The following MYO9A variants were observed in gnomAD, a reference collection of about 807,000 sequenced individuals.
The protein encoded by MYO9A is unconventional myosin-IXa.
Under a neutral mutation model 293.3 loss-of-function variants are expected in MYO9A, and 103 were observed. The ratio of observed to expected loss-of-function variants is 0.35; its 90% CI spans 0.30 to 0.41. MYO9A has a LOEUF of 0.41. MYO9A is among the 10% of genes least tolerant of loss of function. The pLI is 1.00. For synonymous variants in MYO9A, 1,001 were observed against 1,035.7 expected, an observed-to-expected ratio of 0.97 and a Z score of 0.64; for missense variants, 2,685 against 3,033.0, an observed-to-expected ratio of 0.89 and a Z score of 2.69.
rs920994001 is a variant in MYO9A, at chr15:72,025,501, C to T, written c.998+2230G>A. On this transcript the variant is annotated intron_variant, in intron 4 of 41. Transcript: ENST00000356056. ...TCAGCCTCCCAAGTAGCTGGAAATA[C>T]AGGCGCATGCAACCACACCTGGATA... is the stretch of plus-strand genomic sequence containing the variant. Among the ~76,000 whole-genome samples the T allele has an allele frequency of 4.6e-5, 7 of 152,246 alleles. No individual in the cohort carries two copies. The East Asian group carries it at 1.4e-3, about 29-fold the overall frequency.
chr15:71,888,149 C>T (rs774701940), intron 26 of MYO9A, 33 bp from the exon 27 acceptor site: 36 of 1,208,632 alleles, frequency 3.0e-5, no homozygotes, highest in African/African-American at 6.1e-5. Context: ...AGATTTAATG[C>T]CAAGTAAATA....
intron 1 of MYO9A, among the ~76,000 whole-genome samples, chr15:72,101,535 G>A (rs1359419592): frequency 1.2e-3 from 140 of 121,464 alleles, no homozygotes; most frequent in African/African-American, 3.9e-3. Context: ...CCCCCCGCCC[G>A]GCCAGCCGCC....
At position 72,110,451 on chromosome 15, in the gene MYO9A, A is replaced by G. The variant is rs889978904; in HGVS notation, c.-72+7229T>C. Among the ~76,000 whole-genome samples the G allele has an allele frequency of 1.4e-3, 208 of 150,386 alleles. 1 individual carries two copies. Among genetic ancestry groups the G allele is most frequent in the African/African-American group, 4.4e-3 (178 of 40,888 alleles). On this transcript the variant is annotated intron_variant, in intron 1 of 41. Coordinates refer to ENST00000356056, the MANE Select transcript of MYO9A (RefSeq NM_006901.4). Reference sequence around the variant, plus strand: ...ACTCCATCTCAAAAAAAAAAAAAAAAAAAAAAAGAAAATTCCAGAGATTAC... The same window carrying G: ...ACTCCATCTCAAAAAAAAAAAAAAAGAAAAAAAGAAAATTCCAGAGATTAC...
At chr15:72,003,434 C>A (rs971582320) in intron 8 of MYO9A, among the ~76,000 whole-genome samples, 1 of 151,790 alleles carries the variant, frequency 6.6e-6, no homozygotes, top group Admixed American at 6.6e-5. Context: ...CGGTGGCCCA[C>A]GCCTGTAACC....
rs1351598183 is a variant in MYO9A, at chr15:71,826,060, T to C, written c.*520A>G. ...CCAGAATATAACATGGAGTGTTTTTTCAGAAATCTTAAAATAGAGGGATTA... is the reference window on the plus strand; with the variant it reads ...CCAGAATATAACATGGAGTGTTTTTCCAGAAATCTTAAAATAGAGGGATTA... On this transcript the variant is annotated 3_prime_UTR_variant, in exon 42 of 42. Transcript: ENST00000356056. The C allele has an allele frequency of 6.6e-6, 1 of 151,100 alleles. No homozygotes were observed. Among genetic ancestry groups the C allele is most frequent in the Non-Finnish European group, 1.5e-5 (1 of 67,902 alleles). 9.4% of individuals were successfully genotyped at this position (151,100 alleles called of 1,614,324 possible).
rs961202912 is a variant in MYO9A, at chr15:72,118,135, G to T, written c.-527C>A. 5.3e-6 allele frequency: 2 copies of T among 379,386 alleles called. No homozygotes were observed. Among genetic ancestry groups the T allele is most frequent in the Non-Finnish European group, 9.3e-6 (2 of 214,132 alleles). The allele number at this position is 379,386 out of a possible 1,614,324, so 23.5% of individuals were successfully genotyped here. A position where few individuals can be genotyped will look rare whatever the true frequency, so the allele number is the denominator to read the frequency against. On this transcript the variant is annotated 5_prime_UTR_variant, in exon 1 of 42. Coordinates refer to ENST00000356056, the MANE Select transcript of MYO9A (RefSeq NM_006901.4). ...CCCGCGCGACTCCCCGGCTGCAGGC[G>T]AGCAGGCGCGCGCGCACTTACCTCC...
At chr15:72,053,553 G>A (rs549666509) in intron 1 of MYO9A, among the ~76,000 whole-genome samples, 1 of 152,092 alleles carries the variant, frequency 6.6e-6, no homozygotes, top group Admixed American at 6.6e-5. Flanking sequence ...GCAAACTAAC[G>A]CAAGAACAGA....
intron 31 of MYO9A, 40 bp from the exon 32 acceptor site, chr15:71,875,878 A>C: frequency 8.9e-7 from 1 of 1,124,230 alleles, no homozygotes; most frequent in Non-Finnish European, 1.2e-6. Context: ...TTGTGATAAC[A>C]AAGACTAACA....
chr15:72,022,081 A>G (rs1044914908), intron 4 of MYO9A, among the ~76,000 whole-genome samples: 1 of 152,244 alleles, frequency 6.6e-6, no homozygotes, highest in African/African-American at 2.4e-5. Context: ...ACACTTCAAT[A>G]GCCACACTCA....
chr15:71,907,775 G>A (rs893029004), intron 19 of MYO9A, among the ~76,000 whole-genome samples: 24 of 151,832 alleles, frequency 1.6e-4, no homozygotes, highest in South Asian at 6.3e-4. Context: ...TCCTTCACCC[G>A]CTTTTTGATG....
At position 71,876,383 on chromosome 15, in the gene MYO9A, A is replaced by G. The variant is rs192986729; in HGVS notation, c.5932-545T>C. Among the ~76,000 whole-genome samples, 589 of 149,306 alleles carry G rather than the reference A, an allele frequency of 3.9e-3. 6 individuals are homozygous for G. The highest frequency in any genetic ancestry group is 0.014 in the African/African-American group (573 of 40,472). The stretch of plus-strand genomic sequence containing the variant: ...ATGATCCACCCGCCTCGGCCTCCCA[A>G]AGTGCTGGGATTGCGGGCTTGAGCC... On this transcript the variant is annotated intron_variant, in intron 31 of 41. Coordinates refer to ENST00000356056, the MANE Select transcript of MYO9A (RefSeq NM_006901.4).
chr15:72,005,344 C>T (rs1400846223), intron 8 of MYO9A, among the ~76,000 whole-genome samples: 2 of 152,050 alleles, frequency 1.3e-5, no homozygotes, highest in African/African-American at 4.8e-5. Flanking sequence ...TTTGAGTTGC[C>T]TGAATTGTTC....
intron 6 of MYO9A, among the ~76,000 whole-genome samples, chr15:72,011,777 T>C (rs1342264952): frequency 6.6e-6 from 1 of 152,204 alleles, no homozygotes; most frequent in African/African-American, 2.4e-5. Context: ...TTCAAAAACC[T>C]CCTCACATTT....
chr15:71,985,734 C>T (rs181298290), intron 11 of MYO9A, among the ~76,000 whole-genome samples: 14 of 152,274 alleles, frequency 9.2e-5, no homozygotes, highest in African/African-American at 3.1e-4. Context: ...AGTCTAGGCC[C>T]TGTAAAACTT....
intron 1 of MYO9A, among the ~76,000 whole-genome samples, chr15:72,075,395 C>T (rs1047690552): frequency 1.3e-4 from 20 of 151,760 alleles, no homozygotes; most frequent in Admixed American, 1.3e-3. Context: ...TTGGAATGAG[C>T]AAAGACTTTA....
intron 4 of MYO9A, among the ~76,000 whole-genome samples, chr15:72,027,157 G>C (rs183001697): frequency 3.4e-4 from 52 of 152,230 alleles, no homozygotes; most frequent in African/African-American, 1.2e-3. Flanking sequence ...GTTAGAAAAA[G>C]TTACTAATAG....
intron 1 of MYO9A, among the ~76,000 whole-genome samples, chr15:72,062,214 G>C (rs963702595): frequency 6.6e-5 from 10 of 152,100 alleles, no homozygotes; most frequent in Non-Finnish European, 1.2e-4. Context: ...TTGAATACTT[G>C]AAAACCTTCT....
chr15:71,946,208 T>C (rs1405600150), intron 15 of MYO9A, among the ~76,000 whole-genome samples: 2 of 152,238 alleles, frequency 1.3e-5, no homozygotes, highest in Non-Finnish European at 2.9e-5. Flanking sequence ...ACTGGCCTCA[T>C]GAAATGATTT....
At chr15:72,074,581 T>C (rs2079288693) in intron 1 of MYO9A, among the ~76,000 whole-genome samples, 1 of 152,154 alleles carries the variant, frequency 6.6e-6, no homozygotes, top group Admixed American at 6.5e-5. Context: ...GTCCCACAAG[T>C]AAAGTTAATC....
Sources: allele counts gnomAD v4.1 joint callset (sites outside exome capture counted in the v4.1 genomes callset), GRCh38; gene constraint gnomAD v4.1.1; transcripts MANE v1.5; gene names NCBI Gene and HGNC (gene_info 2026-07-23, HGNC 2026-07-21).